The following COL8A1 variants were observed in gnomAD, a reference collection of about 807,000 sequenced individuals.
COL8A1 encodes collagen alpha-1(VIII) chain.
In COL8A1, 21 loss-of-function variants were observed where a neutral mutation model predicts 42.7. The observed-to-expected ratio is 0.49, with a 90% CI of 0.35 to 0.71. The LOEUF (loss-of-function observed/expected upper bound fraction) is 0.71. Among genes scored for constraint, COL8A1 ranks in the 30% least tolerant of loss-of-function variants. The pLI is 0.01. For synonymous variants in COL8A1, 367 were observed against 369.1 expected, an observed-to-expected ratio of 0.99 and a Z score of 0.06; for missense variants, 788 against 962.4, an observed-to-expected ratio of 0.82 and a Z score of 2.40.
intron 2 of COL8A1, among the ~76,000 whole-genome samples, chr3:99,767,863 A>G (rs1324208873): frequency 6.6e-6 from 1 of 152,240 alleles, no homozygotes; most frequent in Non-Finnish European, 1.5e-5. Context: ...TATTTTTCAG[A>G]ATGAGTTAGC....
intron 1 of COL8A1, among the ~76,000 whole-genome samples, chr3:99,719,491 G>C (rs1469124405): frequency 6.6e-6 from 1 of 152,060 alleles, no homozygotes; most frequent in East Asian, 1.9e-4. Context: ...TTTCAGGTCT[G>C]GTGTGATAAA....
intron 1 of COL8A1, among the ~76,000 whole-genome samples, chr3:99,658,025 G>T (rs1197305873): frequency 6.6e-6 from 1 of 151,648 alleles, no homozygotes; most frequent in Non-Finnish European, 1.5e-5. Flanking sequence ...TACTCAGGAG[G>T]CTGAGGCAGG....
intron 1 of COL8A1, among the ~76,000 whole-genome samples, chr3:99,700,529 A>G (rs1031612593): frequency 5.3e-5 from 8 of 152,000 alleles, no homozygotes; most frequent in Non-Finnish European, 7.4e-5. Flanking sequence ...GTGAGAGGAG[A>G]GAAGTCTTCA....
chr3:99,773,264 A>G (rs945115615), intron 2 of COL8A1, among the ~76,000 whole-genome samples: 2 of 152,204 alleles, frequency 1.3e-5, no homozygotes, highest in Non-Finnish European at 2.9e-5. Context: ...ATTGTTAATA[A>G]TAACAAGACT....
In COL8A1 at chr3:99,790,777, G is replaced by C; in HGVS notation, c.95G>C (p.Gly32Ala). 1 of 1,614,096 alleles carries C rather than the reference G, an allele frequency of 6.2e-7. No homozygotes were observed. Among genetic ancestry groups the C allele is most frequent in the Non-Finnish European group, 8.5e-7 (1 of 1,180,014 alleles). Residue 32 changes from glycine to alanine, a missense_variant, in exon 3 of 4, where the codon GGG (glycine) becomes GCG (alanine). Physicochemically the swap from Gly to Ala is moderately conservative, Grantham distance 60 (BLOSUM62 0). Around this residue, in one of 4 missense-constraint regions of COL8A1, gnomAD observed 421 missense variants for 553.1 expected, o/e 0.76. Transcript: ENST00000652472. Reference protein sequence around the residue: ...IRLIQAGAYYGIKPLPPQIPP... With the variant: ...IRLIQAGAYYAIKPLPPQIPP... Reference sequence around the variant, plus strand: ...CTCATTCAGGCTGGTGCCTACTATGGGATCAAGCCGCTGCCACCTCAAATT... The same window carrying C: ...CTCATTCAGGCTGGTGCCTACTATGCGATCAAGCCGCTGCCACCTCAAATT...
intron 2 of COL8A1, among the ~76,000 whole-genome samples, chr3:99,780,581 A>G (rs1010648124): frequency 1.2e-4 from 19 of 152,168 alleles, no homozygotes; most frequent in African/African-American, 4.6e-4. Context: ...CTCACACTCT[A>G]AGTCCTAAGA....
chr3:99,683,711 T>A (rs1296311873), intron 1 of COL8A1, among the ~76,000 whole-genome samples: 1 of 152,102 alleles, frequency 6.6e-6, no homozygotes, highest in Non-Finnish European at 1.5e-5. Flanking sequence ...AAATGAACCC[T>A]CAGGAATCCT....
At chr3:99,653,349 T>C (rs926379933) in intron 1 of COL8A1, among the ~76,000 whole-genome samples, 1 of 152,148 alleles carries the variant, frequency 6.6e-6, no homozygotes, top group Admixed American at 6.5e-5. Flanking sequence ...GTAAACTATT[T>C]ATGGGCTGAT....
chr3:99,779,574 G>T (rs1458029906), intron 2 of COL8A1, among the ~76,000 whole-genome samples: 1 of 152,184 alleles, frequency 6.6e-6, no homozygotes, highest in African/African-American at 2.4e-5. Context: ...TTTTCTGGGG[G>T]AAAGGGAGCA....
At chr3:99,699,347 TCA>T (rs1939467478) in intron 1 of COL8A1, among the ~76,000 whole-genome samples, 1 of 152,192 alleles carries the variant, frequency 6.6e-6, no homozygotes, top group Admixed American at 6.5e-5. Context: ...CACTTGTAAA[TCA>T]CAGCCTGTCT....
At chr3:99,745,348 G>T (rs1008753463) in intron 2 of COL8A1, among the ~76,000 whole-genome samples, 3 of 152,152 alleles carry the variant, frequency 2.0e-5, no homozygotes, top group Non-Finnish European at 4.4e-5. Flanking sequence ...CAGATGCTAG[G>T]AGTTAGATTT....
At position 99,795,366 on chromosome 3, in the gene COL8A1, G is replaced by T; in HGVS notation, c.1465G>T (p.Gly489Trp). 1 of 1,580,638 alleles carries T rather than the reference G, an allele frequency of 6.3e-7. No homozygotes were observed. The highest frequency in any genetic ancestry group is 2.3e-5 in the East Asian group (1 of 43,236). Residue 489 changes from glycine to tryptophan, a missense_variant, in exon 4 of 4, where the codon GGG (glycine) becomes TGG (tryptophan). By Grantham distance (184) the Gly-to-Trp change is radical. Coordinates refer to ENST00000652472, the MANE Select transcript of COL8A1 (RefSeq NM_020351.4). ...ACCTAAGGGAGAGCCAGGAATCCCAGGGGATCAGGGTTTACAGGGCCCCCC... is the reference window on the plus strand; with the variant it reads ...ACCTAAGGGAGAGCCAGGAATCCCATGGGATCAGGGTTTACAGGGCCCCCC... ...LGPKGEPGIP[G>W]DQGLQGPPGI...
intron 2 of COL8A1, among the ~76,000 whole-genome samples, chr3:99,764,701 C>CTTTTTTTTTTTTTTTTTTTTTTTTTTTTT (rs10648559): frequency 8.0e-6 from 1 of 125,056 alleles, no homozygotes; most frequent in Non-Finnish European, 1.6e-5. Context: ...TCTTTTTTTT[C>CTTTTTTTTTTTTTTTTTTTTTTTTTTTTT]TTTTTTTTTT....
At chr3:99,769,537 A>G (rs1287279675) in intron 2 of COL8A1, among the ~76,000 whole-genome samples, 1 of 152,270 alleles carries the variant, frequency 6.6e-6, no homozygotes, top group African/African-American at 2.4e-5. Flanking sequence ...GGCATTCCCA[A>G]TATTAGCATC....
At chr3:99,771,661 C>G (rs1327262024) in intron 2 of COL8A1, among the ~76,000 whole-genome samples, 1 of 152,190 alleles carries the variant, frequency 6.6e-6, no homozygotes, top group Non-Finnish European at 1.5e-5. Flanking sequence ...TTCTGTGCAG[C>G]TAAGAATAAG....
chr3:99,735,828 A>C (rs1313669676), intron 1 of COL8A1, among the ~76,000 whole-genome samples: 1 of 151,942 alleles, frequency 6.6e-6, no homozygotes, highest in Non-Finnish European at 1.5e-5. Flanking sequence ...ACAATTTCAG[A>C]TCCTGTTATT....
intron 1 of COL8A1, among the ~76,000 whole-genome samples, chr3:99,645,678 C>G (rs961639197): frequency 6.8e-6 from 1 of 147,878 alleles, no homozygotes; most frequent in African/African-American, 2.5e-5. Flanking sequence ...TAGTAGATCA[C>G]ATTGTTAGTT....
chr3:99,697,953 C>T (rs1333330217), intron 1 of COL8A1, among the ~76,000 whole-genome samples: 1 of 152,138 alleles, frequency 6.6e-6, no homozygotes, highest in Admixed American at 6.5e-5. Flanking sequence ...TCTCCTAATG[C>T]TATCCCTCCC....
At chr3:99,684,701 G>A (rs927167031) in intron 1 of COL8A1, among the ~76,000 whole-genome samples, 15 of 152,130 alleles carry the variant, frequency 9.9e-5, no homozygotes, top group African/African-American at 3.6e-4. Context: ...ACTTTATAAT[G>A]TCTGAATTTG....
Sources: gnomAD v4.1 joint callset for allele counts (sites outside exome capture counted in the v4.1 genomes callset) on GRCh38, gnomAD v4.1.1 for gene constraint, gnomAD v4.1.1 regional missense constraint, MANE v1.5 for transcripts, NCBI Gene and HGNC (gene_info 2026-07-23, HGNC 2026-07-21) for gene names.